Variants in CTNND2 observed in about 807,000 individuals in gnomAD.
CTNND2 encodes the protein catenin delta-2.
A neutral mutation model predicts 144.4 loss-of-function variants in CTNND2; 22 were observed. The ratio of observed to expected loss-of-function variants is 0.15; its 90% CI spans 0.11 to 0.22. The LOEUF (loss-of-function observed/expected upper bound fraction) is 0.22, where lower values mean the gene tolerates loss of function less well. CTNND2 is among the 10% of genes least tolerant of loss of function. CTNND2 has a pLI of 1.00. For synonymous variants in CTNND2, 751 were observed against 695.6 expected, an observed-to-expected ratio of 1.08 and a Z score of -1.25; for missense variants, 1,353 against 1,618.8, an observed-to-expected ratio of 0.84 and a Z score of 2.82.
At chr5:11,245,788 T>C (rs1218199709) in intron 9 of CTNND2, among the ~76,000 whole-genome samples, 3 of 152,180 alleles carry the variant, frequency 2.0e-5, no homozygotes, top group Non-Finnish European at 4.4e-5. Flanking sequence ...CTTTTAAGCC[T>C]GGAAAGAGAC....
At chr5:11,159,787 T>C in intron 11 of CTNND2, 28 bp from the exon 12 acceptor site, 1 of 1,522,262 alleles carries the variant, frequency 6.6e-7, no homozygotes, top group Non-Finnish European at 8.8e-7. Flanking sequence ...AAAGAGGTTT[T>C]GGGTGGCCAC....
chr5:11,555,256 T>C (rs968204603), intron 3 of CTNND2, among the ~76,000 whole-genome samples: 1 of 152,180 alleles, frequency 6.6e-6, no homozygotes, highest in Admixed American at 6.5e-5. Context: ...AACAGACACC[T>C]AGTTCTAGCA....
At chr5:11,647,524 C>T (rs923206034) in intron 2 of CTNND2, among the ~76,000 whole-genome samples, 10 of 151,824 alleles carry the variant, frequency 6.6e-5, no homozygotes, top group African/African-American at 1.9e-4. Context: ...GATAGTGCCC[C>T]CCGCAAGCCC....
chr5:11,188,240 G>GGT (rs1469140001), intron 11 of CTNND2, among the ~76,000 whole-genome samples: 2 of 151,700 alleles, frequency 1.3e-5, no homozygotes, highest in Non-Finnish European at 2.9e-5. Flanking sequence ...AAGAAAATGT[G>GGT]GTATATATAT....
At chr5:11,072,714 AG>A (rs765799788) in intron 16 of CTNND2, among the ~76,000 whole-genome samples, 6 of 152,250 alleles carry the variant, frequency 3.9e-5, no homozygotes, top group Non-Finnish European at 8.8e-5. Flanking sequence ...GTTTAGGAGC[AG>A]AATCTGTGGT....
At chr5:11,757,912 A>G (rs1789041033) in intron 1 of CTNND2, among the ~76,000 whole-genome samples, 1 of 151,980 alleles carries the variant, frequency 6.6e-6, no homozygotes, top group Non-Finnish European at 1.5e-5. Flanking sequence ...GAAAGATGAG[A>G]CTCAGGAAAA....
chr5:11,727,876 T>C (rs1787109554), intron 2 of CTNND2, among the ~76,000 whole-genome samples: 2 of 152,252 alleles, frequency 1.3e-5, no homozygotes, highest in South Asian at 4.1e-4. Context: ...CACATTATAG[T>C]AACACCAATA....
chr5:11,262,496 C>T (rs1744967601), intron 9 of CTNND2, among the ~76,000 whole-genome samples: 1 of 152,128 alleles, frequency 6.6e-6, no homozygotes, highest in Non-Finnish European at 1.5e-5. Flanking sequence ...GGCGCAGTGG[C>T]TCACGCCTGT....
chr5:11,010,990 G>A (rs1439264300), intron 18 of CTNND2, among the ~76,000 whole-genome samples: 2 of 152,192 alleles, frequency 1.3e-5, no homozygotes, highest in Admixed American at 6.5e-5. Flanking sequence ...TCAAGCACAG[G>A]CAGTCTGGCA....
At chr5:11,214,315 AT>A (rs1169546513) in intron 10 of CTNND2, among the ~76,000 whole-genome samples, 6 of 152,106 alleles carry the variant, frequency 3.9e-5, no homozygotes, top group African/African-American at 1.4e-4. Flanking sequence ...TTATTTACTG[AT>A]TTTCTAATTT....
intron 1 of CTNND2, among the ~76,000 whole-genome samples, chr5:11,750,309 A>C (rs973401139): frequency 2.0e-5 from 3 of 151,904 alleles, no homozygotes; most frequent in African/African-American, 7.2e-5. Context: ...CCTACTTTGA[A>C]AAACCCTGTG....
At chr5:11,297,349 G>C (rs915616216) in intron 9 of CTNND2, among the ~76,000 whole-genome samples, 3 of 152,162 alleles carry the variant, frequency 2.0e-5, no homozygotes, top group African/African-American at 7.2e-5. Context: ...CTTTGCATCT[G>C]TGTGTAGCCA....
At chr5:11,524,165 C>G (rs1020173611) in intron 3 of CTNND2, among the ~76,000 whole-genome samples, 1 of 152,062 alleles carries the variant, frequency 6.6e-6, no homozygotes, top group Non-Finnish European at 1.5e-5. Flanking sequence ...CTCACTGCAC[C>G]CCACACTTGC....
intron 3 of CTNND2, among the ~76,000 whole-genome samples, chr5:11,419,155 G>A (rs764246163): frequency 1.3e-5 from 2 of 151,788 alleles, no homozygotes; most frequent in Non-Finnish European, 2.9e-5. Context: ...TCAGAAGGGT[G>A]AAGAAAATGA....
chr5:11,461,611 G>A (rs1766231491), intron 3 of CTNND2, among the ~76,000 whole-genome samples: 1 of 152,126 alleles, frequency 6.6e-6, no homozygotes, highest in Non-Finnish European at 1.5e-5. Flanking sequence ...GTTGACCTAT[G>A]CATCTTGAGC....
At chr5:11,080,182 TAAAAG>T (rs1749400101) in intron 16 of CTNND2, among the ~76,000 whole-genome samples, 1 of 152,134 alleles carries the variant, frequency 6.6e-6, no homozygotes, top group South Asian at 2.1e-4. Flanking sequence ...AGACATTACT[TAAAAG>T]AAGAAATACA....
intron 12 of CTNND2, among the ~76,000 whole-genome samples, chr5:11,139,570 T>C (rs1256206780): frequency 1.3e-5 from 2 of 152,214 alleles, no homozygotes; most frequent in Admixed American, 1.3e-4. Context: ...AAATCCCATT[T>C]TCTCTCTGTT....
At chr5:11,078,195 A>G (rs1013926195) in intron 16 of CTNND2, among the ~76,000 whole-genome samples, 2 of 152,192 alleles carry the variant, frequency 1.3e-5, no homozygotes, top group African/African-American at 4.8e-5. Flanking sequence ...TTAACCTTTC[A>G]TTGTTCTTCA....
chr5:11,855,148 A>C (rs1240343206), intron 1 of CTNND2, among the ~76,000 whole-genome samples: 1 of 152,214 alleles, frequency 6.6e-6, no homozygotes, highest in Non-Finnish European at 1.5e-5. Flanking sequence ...TAAACCAGGG[A>C]TTAGCTGGAG....
Sources: allele counts gnomAD v4.1 joint callset (sites outside exome capture counted in the v4.1 genomes callset), GRCh38; gene constraint gnomAD v4.1.1; transcripts MANE v1.5; gene names NCBI Gene and HGNC (gene_info 2026-07-23, HGNC 2026-07-21).